BARD1: variants seen among roughly 807,000 people sequenced by gnomAD.
BARD1 encodes the protein BRCA1 associated RING domain 1.
In BARD1, 73 loss-of-function variants were observed where a neutral mutation model predicts 77.0. The observed-to-expected ratio is 0.95, with a 90% confidence interval of 0.79 to 1.15. The LOEUF (loss-of-function observed/expected upper bound fraction) is 1.15. Ranked by LOEUF, BARD1 falls within the 50% of genes most tolerant of loss-of-function variation. The pLI, the probability that BARD1 is intolerant of heterozygous loss-of-function variation, is 0.00. For missense variants in BARD1, 993 were observed against 938.8 expected (o/e 1.06, Z -0.75); for synonymous variants, 384 against 338.0 (o/e 1.14, Z -1.49).
At chr2:214,747,314 T>C (rs1185156183) in intron 7 of BARD1, among the ~76,000 whole-genome samples, 1 of 149,258 alleles carries the variant, frequency 6.7e-6, no homozygotes, top group Non-Finnish European at 1.5e-5. Context: ...CTCAGGGATC[T>C]AGAACTGGAA....
intron 7 of BARD1, among the ~76,000 whole-genome samples, chr2:214,749,770 GA>G (rs939875840): frequency 7.8e-6 from 1 of 128,384 alleles, no homozygotes; most frequent in African/African-American, 3.0e-5. Flanking sequence ...CATTAATAAA[GA>G]AAAAAACAAC....
At chr2:214,770,805 G>C (rs529366920) in intron 4 of BARD1, among the ~76,000 whole-genome samples, 2 of 152,278 alleles carry the variant, frequency 1.3e-5, no homozygotes, top group South Asian at 4.1e-4. Context: ...TGGGGAACTG[G>C]TCTCAGGTAG....
chr2:214,808,793 C>T (rs1696404659), intron 1 of BARD1, among the ~76,000 whole-genome samples: 1 of 152,216 alleles, frequency 6.6e-6, no homozygotes, highest in African/African-American at 2.4e-5. Flanking sequence ...CAATAAACAG[C>T]ATCACTAAGA....
rs149178955 is a variant in BARD1, at chr2:214,741,611, G to A, written c.1903+3456C>T. Among the ~76,000 whole-genome samples the A allele has an allele frequency of 6.2e-3, 951 of 152,228 alleles. 10 individuals are homozygous for A. The highest frequency in any genetic ancestry group is 0.02 in the African/African-American group (820 of 41,544). On this transcript the variant is annotated intron_variant, in intron 9 of 10. Coordinates refer to ENST00000260947, the MANE Select transcript of BARD1 (RefSeq NM_000465.4). ...TGTGAGAAATTAGCACCCAGACTAG[G>A]ACTAAAGTAGAGTCTCCCTCACCAT...
chr2:214,758,512 T>C (rs1299364958), intron 6 of BARD1, among the ~76,000 whole-genome samples: 1 of 152,228 alleles, frequency 6.6e-6, no homozygotes, highest in Non-Finnish European at 1.5e-5. Flanking sequence ...AATTGATGCA[T>C]GTTTTTCATG....
chr2:214,735,938 CTTAATTTG>C lies in BARD1; in HGVS notation c.1904-5438_1904-5431del, dbSNP rs1371153955. 3.3e-5 allele frequency among the ~76,000 whole-genome samples: 5 copies of C among 152,150 alleles called. No individual in the cohort carries two copies. In the East Asian group the frequency reaches 9.7e-4, roughly 29 times the overall value. On this transcript the variant is annotated intron_variant, in intron 9 of 10. Transcript: ENST00000260947. Reference sequence around the variant, plus strand: ...GTCTATGATTACCCATCATGTCAATCTTAATTTGTTAGTTTTATCTGTGTTTTATTTGG... The same window carrying C: ...GTCTATGATTACCCATCATGTCAATCTTAGTTTTATCTGTGTTTTATTTGG...
chr2:214,733,345 A>C (rs1198055324), intron 9 of BARD1, among the ~76,000 whole-genome samples: 1 of 152,226 alleles, frequency 6.6e-6, no homozygotes, highest in East Asian at 1.9e-4. Context: ...AAATTCATTT[A>C]TGTTTCATAT....
chr2:214,772,793 T>A (rs888852663), intron 4 of BARD1, among the ~76,000 whole-genome samples: 1 of 152,158 alleles, frequency 6.6e-6, no homozygotes, highest in African/African-American at 2.4e-5. Flanking sequence ...ATAAATAAAA[T>A]TATGATAATT....
At chr2:214,779,448 C>T (rs911672853) in intron 4 of BARD1, among the ~76,000 whole-genome samples, 5 of 151,978 alleles carry the variant, frequency 3.3e-5, no homozygotes, top group Admixed American at 3.3e-4. Context: ...ATTTTTGATT[C>T]GCAGTTGGTT....
chr2:214,751,553 C>G (rs1693454505), intron 7 of BARD1, among the ~76,000 whole-genome samples: 1 of 152,014 alleles, frequency 6.6e-6, no homozygotes, highest in Non-Finnish European at 1.5e-5. Flanking sequence ...AAATTTATTA[C>G]AATGTACAGT....
chr2:214,779,949 G>A (rs1694902397), intron 4 of BARD1, among the ~76,000 whole-genome samples: 1 of 152,132 alleles, frequency 6.6e-6, no homozygotes. Flanking sequence ...CAGAAAACAG[G>A]CCAGGTTCCA....
chr2:214,767,535 C>T lies in BARD1; in HGVS notation c.1515G>A (p.Gly505=). 1 of 1,613,972 alleles carries T rather than the reference C, an allele frequency of 6.2e-7. No individual in the cohort carries two copies. The highest frequency in any genetic ancestry group is 1.1e-5 in the South Asian group (1 of 91,074). The change falls in exon 6 of 11, where the codon GGG becomes GGA. Residue 505 remains glycine (G), a synonymous_variant. Transcript: ENST00000260947. ...DSPLHDAAKN[G]HVDIVKLLLS... ...GTAACAGCTTGACTATATCCACATG[C>T]CCATTCTTGGCTGCATCGTGAAGTG...
At chr2:214,801,581 GCCAGTGTCTCTTACA>G (rs1168896279) in intron 1 of BARD1, among the ~76,000 whole-genome samples, 2 of 152,048 alleles carry the variant, frequency 1.3e-5, no homozygotes, top group Non-Finnish European at 2.9e-5. Flanking sequence ...CTGTGGTCAG[GCCAGTGTCTCTTACA>G]ACTATTATTA....
intron 3 of BARD1, among the ~76,000 whole-genome samples, chr2:214,782,835 G>C (rs537019063): frequency 6.6e-6 from 1 of 152,274 alleles, no homozygotes; most frequent in African/African-American, 2.4e-5. Flanking sequence ...ATGTGGAGGA[G>C]GAACTTTGGA....
Position 214,794,193 on chromosome 2 carries a change from G to T in BARD1, c.216-1748C>A, listed in dbSNP as rs184135926. Among the ~76,000 whole-genome samples the T allele has an allele frequency of 8.4e-3, 1,285 of 152,248 alleles. 13 individuals carry two copies. Among genetic ancestry groups the T allele is most frequent in the African/African-American group, 0.029 (1,210 of 41,526 alleles). ...CCCAAGCCAAGAAGTTGAGGCTGTA[G>T]TGAGCCATGATCGCGCCACTGCACT... On this transcript the variant is annotated intron_variant, in intron 2 of 10. Transcript: ENST00000260947.
At chr2:214,794,293 TGTA>T (rs1695660908) in intron 2 of BARD1, among the ~76,000 whole-genome samples, 1 of 152,136 alleles carries the variant, frequency 6.6e-6, no homozygotes, top group Non-Finnish European at 1.5e-5. Context: ...CAAGTTTTGG[TGTA>T]GTATTAAAGA....
chr2:214,758,231 C>T (rs1972958), intron 6 of BARD1, among the ~76,000 whole-genome samples: 67,460 of 152,032 alleles, frequency 0.44, 15,054 homozygotes, highest in South Asian at 0.5. Context: ...TGACTTTACA[C>T]GAATTACTTA....
At chr2:214,748,618 T>G (rs1225625515) in intron 7 of BARD1, among the ~76,000 whole-genome samples, 2 of 152,120 alleles carry the variant, frequency 1.3e-5, no homozygotes, top group African/African-American at 4.8e-5. Flanking sequence ...TTTTAAATTT[T>G]TAAAAGATTA....
At chr2:214,761,925 T>C (rs1451979391) in intron 6 of BARD1, among the ~76,000 whole-genome samples, 1 of 152,166 alleles carries the variant, frequency 6.6e-6, no homozygotes, top group Admixed American at 6.5e-5. Flanking sequence ...AAATGATAAT[T>C]AGATCTTTAG....
Sources: allele counts gnomAD v4.1 joint callset (sites outside exome capture counted in the v4.1 genomes callset), GRCh38; gene constraint gnomAD v4.1.1; transcripts MANE v1.5; gene names NCBI Gene and HGNC (gene_info 2026-07-23, HGNC 2026-07-21).